Variants in PCDH7 observed in about 807,000 individuals in gnomAD.
PCDH7 encodes protocadherin-7.
PCDH7 carries 17 observed loss-of-function variants against 58.9 expected under a neutral mutation model. The observed-to-expected ratio is 0.29, with a 90% CI of 0.20 to 0.43. The LOEUF (loss-of-function observed/expected upper bound fraction) is 0.43, where lower values mean the gene tolerates loss of function less well. PCDH7 is among the 20% of genes least tolerant of loss of function. The pLI is 1.00. For synonymous variants in PCDH7, 664 were observed against 616.4 expected, an observed-to-expected ratio of 1.08 and a Z score of -1.14; for missense variants, 1,274 against 1,441.0, an observed-to-expected ratio of 0.88 and a Z score of 1.88.
intron 3 of PCDH7, among the ~76,000 whole-genome samples, chr4:31,099,539 T>C (rs76408751): frequency 0.15 from 23,169 of 152,248 alleles, 2,014 homozygotes; most frequent in South Asian, 0.2. Flanking sequence ...ATACATATGC[T>C]TGCAGATATC....
intron 1 of PCDH7, among the ~76,000 whole-genome samples, chr4:30,770,686 C>T (rs951082552): frequency 6.6e-5 from 10 of 152,006 alleles, no homozygotes; most frequent in African/African-American, 2.4e-4. Context: ...GCCAAAATTC[C>T]TATTAAGTAC....
At chr4:30,726,090 A>G (rs959213727) in intron 1 of PCDH7, among the ~76,000 whole-genome samples, 1 of 152,066 alleles carries the variant, frequency 6.6e-6, no homozygotes, top group Non-Finnish European at 1.5e-5. Flanking sequence ...TGGAGTGTTT[A>G]TATCTGTTGT....
chr4:30,833,036 C>G (rs1729999403), intron 1 of PCDH7, among the ~76,000 whole-genome samples: 2 of 152,056 alleles, frequency 1.3e-5, no homozygotes, highest in South Asian at 2.1e-4. Context: ...CAATAAGAGC[C>G]TGCTTTGTGA....
chr4:31,127,675 A>C (rs1445999763), intron 3 of PCDH7, among the ~76,000 whole-genome samples: 1 of 152,136 alleles, frequency 6.6e-6, no homozygotes, highest in African/African-American at 2.4e-5. Context: ...AGATTTCCTG[A>C]AGTGGTTGTT....
chr4:30,752,604 C>T (rs530190951), intron 1 of PCDH7, among the ~76,000 whole-genome samples: 7 of 149,044 alleles, frequency 4.7e-5, no homozygotes, highest in South Asian at 4.2e-4. Flanking sequence ...TAACAGTGCA[C>T]GTATGTATTA....
intron 1 of PCDH7, among the ~76,000 whole-genome samples, chr4:30,772,899 T>C (rs1467411554): frequency 6.6e-6 from 1 of 152,182 alleles, no homozygotes; most frequent in Non-Finnish European, 1.5e-5. Context: ...TTTATTTATT[T>C]ATCTAATCCC....
chr4:30,767,377 G>C (rs982829782), intron 1 of PCDH7, among the ~76,000 whole-genome samples: 3 of 152,186 alleles, frequency 2.0e-5, no homozygotes, highest in Admixed American at 1.3e-4. Flanking sequence ...TAGTTAGTAG[G>C]GACCCCTAGG....
At chr4:30,986,783 C>T (rs969610254) in intron 3 of PCDH7, among the ~76,000 whole-genome samples, 18 of 151,910 alleles carry the variant, frequency 1.2e-4, no homozygotes, top group Non-Finnish European at 2.4e-4. Context: ...GAGATTGAGA[C>T]GATCCTGGTC....
chr4:31,057,659 C>A lies in PCDH7; in HGVS notation c.*8-84814C>A, dbSNP rs1481327843. Among the ~76,000 whole-genome samples the A allele has an allele frequency of 2.6e-5, 4 of 152,082 alleles. No individual in the cohort carries two copies. In the East Asian group the frequency reaches 7.7e-4, roughly 29 times the overall value. On this transcript the variant is annotated intron_variant, in intron 3 of 3. Transcript: ENST00000509759. ...CTTTAGGAATCAACAGTAGTGTGAT[C>A]ATTTAAATACATTGTTTAAAAATCT...
intron 1 of PCDH7, among the ~76,000 whole-genome samples, chr4:30,809,812 T>C (rs1482829932): frequency 6.6e-6 from 1 of 152,174 alleles, no homozygotes; most frequent in Non-Finnish European, 1.5e-5. Flanking sequence ...GTTGGCAGAA[T>C]GGGTTGGTCT....
At chr4:31,077,561 GAA>G (rs915051318) in intron 3 of PCDH7, among the ~76,000 whole-genome samples, 7 of 152,210 alleles carry the variant, frequency 4.6e-5, no homozygotes, top group African/African-American at 1.7e-4. Context: ...ATTTTCAAAG[GAA>G]ATGTTTTAAA....
intron 1 of PCDH7, among the ~76,000 whole-genome samples, chr4:30,843,486 G>T (rs949342242): frequency 2.6e-5 from 4 of 152,112 alleles, no homozygotes; most frequent in Non-Finnish European, 5.9e-5. Flanking sequence ...GAGCCACTCC[G>T]CCTGGCCTGG....
At chr4:30,971,945 A>C (rs1289514767) in intron 3 of PCDH7, among the ~76,000 whole-genome samples, 2 of 152,222 alleles carry the variant, frequency 1.3e-5, no homozygotes, top group African/African-American at 4.8e-5. Context: ...TGGGCGACAG[A>C]ATGAGACTGT....
chr4:31,131,894 A>G (rs1274150567), intron 3 of PCDH7, among the ~76,000 whole-genome samples: 1 of 152,172 alleles, frequency 6.6e-6, no homozygotes, highest in Non-Finnish European at 1.5e-5. Flanking sequence ...TTATTACATT[A>G]AAAAAATTAG....
At chr4:31,117,352 T>C (rs1234537232) in intron 3 of PCDH7, among the ~76,000 whole-genome samples, 1 of 152,196 alleles carries the variant, frequency 6.6e-6, no homozygotes, top group Admixed American at 6.5e-5. Flanking sequence ...ACCCTAGAGC[T>C]TTTTTATTTT....
At chr4:31,021,432 C>A (rs1754008840) in intron 3 of PCDH7, among the ~76,000 whole-genome samples, 1 of 152,188 alleles carries the variant, frequency 6.6e-6, no homozygotes, top group Admixed American at 6.5e-5. Context: ...GACTATATTT[C>A]TTTGAAAAAG....
intron 1 of PCDH7, among the ~76,000 whole-genome samples, chr4:30,809,977 T>C (rs979808690): frequency 2.0e-5 from 3 of 152,226 alleles, no homozygotes; most frequent in African/African-American, 4.8e-5. Flanking sequence ...TGTTCTTCAA[T>C]GTGCAGCTAA....
At chr4:30,752,037 T>C (rs897739928) in intron 1 of PCDH7, among the ~76,000 whole-genome samples, 1 of 152,210 alleles carries the variant, frequency 6.6e-6, no homozygotes, top group African/African-American at 2.4e-5. Flanking sequence ...AAGAGCATGA[T>C]TGTCATTGAA....
exon 2 of PCDH7, chr4:30,732,113 T>A (rs1214821493): frequency 6.6e-6 from 1 of 152,204 alleles, no homozygotes; most frequent in Non-Finnish European, 1.5e-5. Context: ...AATGTATACC[T>A]GAGGATTTTC....
Sources: allele counts gnomAD v4.1 joint callset (sites outside exome capture counted in the v4.1 genomes callset), GRCh38; gene constraint gnomAD v4.1.1; transcripts MANE v1.5; gene names NCBI Gene and HGNC (gene_info 2026-07-23, HGNC 2026-07-21).